KCNN3: variants seen among roughly 807,000 people sequenced by gnomAD.
KCNN3 encodes the protein potassium calcium-activated channel subfamily N member 3, also known as small conductance calcium-activated potassium channel protein 3.
Under a neutral mutation model 62.9 loss-of-function variants are expected in KCNN3, and 16 were observed. The observed-to-expected ratio is 0.25, with a 90% CI of 0.17 to 0.39. The LOEUF is 0.39. KCNN3 is among the 10% of genes least tolerant of loss of function. KCNN3 has a pLI of 1.00. For synonymous variants in KCNN3, 370 were observed against 389.2 expected, an observed-to-expected ratio of 0.95 and a Z score of 0.58; for missense variants, 599 against 949.4, an observed-to-expected ratio of 0.63 and a Z score of 4.85.
chr1:154,755,783 A>AGGG (rs1426887162), intron 3 of KCNN3, among the ~76,000 whole-genome samples: 5 of 95,046 alleles, frequency 5.3e-5, no homozygotes, highest in Non-Finnish European at 8.0e-5. Context: ...GAGGAGAGAG[A>AGGG]GAGGGGAGGA....
rs527872743 is a variant in KCNN3, at chr1:154,837,574, G to A, written c.934-15390C>T. ...AAGCTAGGAAGGCAGCAGAACGAGTGATGCTTATGGGGGAAAACCTGGCTT... is the reference window on the plus strand; with the variant it reads ...AAGCTAGGAAGGCAGCAGAACGAGTAATGCTTATGGGGGAAAACCTGGCTT... On this transcript the variant is annotated intron_variant, in intron 1 of 7. Transcript: ENST00000271915. Among the ~76,000 whole-genome samples, 6 of 152,296 alleles carry A rather than the reference G, an allele frequency of 3.9e-5. No individual in the cohort carries two copies. The East Asian group carries it at 9.6e-4, about 24-fold the overall frequency.
chr1:154,699,322 T>A lies in KCNN3; in HGVS notation c.*8654A>T, dbSNP rs1475120017. 2 of 151,752 alleles carry A rather than the reference T, an allele frequency of 1.3e-5. No homozygotes were observed. Among genetic ancestry groups the A allele is most frequent in the East Asian group, 3.9e-4 (2 of 5,168 alleles). 9.4% of individuals were successfully genotyped at this position (151,752 alleles called of 1,614,324 possible). ...TAAACATAGGACCAGACAAAAGAAA[T>A]GGAGCTGTGAATAGCAATATGATAT... is the stretch of plus-strand genomic sequence containing the variant. On this transcript the variant is annotated 3_prime_UTR_variant, in exon 8 of 8. Transcript: ENST00000271915.
intron 3 of KCNN3, among the ~76,000 whole-genome samples, chr1:154,750,884 C>T (rs73005493): frequency 0.014 from 2,095 of 152,246 alleles, 51 homozygotes; most frequent in African/African-American, 0.048. Flanking sequence ...TTTCCTGGGG[C>T]GGTGAGAGCA....
At chr1:154,807,235 C>T (rs995922758) in intron 2 of KCNN3, among the ~76,000 whole-genome samples, 5 of 152,068 alleles carry the variant, frequency 3.3e-5, no homozygotes, top group East Asian at 1.9e-4. Flanking sequence ...TGAAGCTGAG[C>T]GCAGGGTCAA....
At chr1:154,787,307 C>G (rs1221891463) in intron 2 of KCNN3, among the ~76,000 whole-genome samples, 1 of 152,220 alleles carries the variant, frequency 6.6e-6, no homozygotes, top group Non-Finnish European at 1.5e-5. Context: ...CTCCACCATT[C>G]CCTCCATTTG....
chr1:154,777,531 T>C (rs1648840709), intron 2 of KCNN3, among the ~76,000 whole-genome samples: 1 of 152,188 alleles, frequency 6.6e-6, no homozygotes, highest in Non-Finnish European at 1.5e-5. Flanking sequence ...GGACACCCTC[T>C]TATTCCCAAA....
At chr1:154,864,872 C>A (rs1398016592) in intron 1 of KCNN3, among the ~76,000 whole-genome samples, 1 of 152,040 alleles carries the variant, frequency 6.6e-6, no homozygotes, top group Non-Finnish European at 1.5e-5. Context: ...CAAGGCCGGG[C>A]ATGGGGAAGT....
chr1:154,702,738 T>C lies in KCNN3; in HGVS notation c.*5238A>G, dbSNP rs897590381. On this transcript the variant is annotated 3_prime_UTR_variant, in exon 8 of 8. Transcript: ENST00000271915. ...ATATATATATATATATATATATATATATATATATATGTACTTTTTCTTTTT... is the reference window on the plus strand; with the variant it reads ...ATATATATATATATATATATATATACATATATATATGTACTTTTTCTTTTT... 7.2e-6 allele frequency: 1 copy of C among 138,214 alleles called. No homozygotes were observed. The highest frequency in any genetic ancestry group is 1.6e-5 in the Non-Finnish European group (1 of 64,328). 8.6% of individuals were successfully genotyped at this position (138,214 alleles called of 1,614,324 possible).
chr1:154,843,630 G>A (rs1238838939), intron 1 of KCNN3, among the ~76,000 whole-genome samples: 2 of 152,172 alleles, frequency 1.3e-5, no homozygotes, highest in Non-Finnish European at 1.5e-5. Flanking sequence ...AAAAGCAAGA[G>A]GCCCCTTACA....
intron 1 of KCNN3, among the ~76,000 whole-genome samples, chr1:154,847,219 C>T (rs933365808): frequency 1.3e-5 from 2 of 152,046 alleles, no homozygotes; most frequent in Non-Finnish European, 2.9e-5. Flanking sequence ...CCCCTGCCCT[C>T]GGGGAGCCTG....
chr1:154,805,832 C>T (rs1243836061), intron 2 of KCNN3, among the ~76,000 whole-genome samples: 2 of 152,102 alleles, frequency 1.3e-5, no homozygotes, highest in African/African-American at 4.8e-5. Flanking sequence ...ATGTCTGTGT[C>T]CAAATCACCA....
Position 154,759,731 on chromosome 1 carries a change from A to C in KCNN3, c.1448+12244T>G, listed in dbSNP as rs374017506. On this transcript the variant is annotated intron_variant, in intron 3 of 7. Transcript: ENST00000271915. ...ATTTAACTGGGTCTCCCTAAGGCAA[A>C]AATCCTGGAGACAAAAGACACTGGT... Among the ~76,000 whole-genome samples, 59 of 152,306 alleles carry C rather than the reference A, an allele frequency of 3.9e-4. 1 individual carries two copies. The South Asian group carries it at 9.9e-3, about 26-fold the overall frequency.
Position 154,869,406 on chromosome 1 carries a change from G to C in KCNN3, c.559C>G (p.Pro187Ala). 6.2e-7 allele frequency: 1 copy of C among 1,614,004 alleles called. No individual in the cohort carries two copies. The highest frequency in any genetic ancestry group is 1.3e-5 in the African/African-American group (1 of 75,040). ...CGGGAGGCGCTGAGGCGGCTGAGGG[G>C]CTTCATGACCCCACCGCTATACTTG... ...SCKYSGGVMK[P>A]LSRLSASRRN... The change falls in exon 1 of 8, where the codon CCC becomes GCC. Residue 187 changes from proline (P) to alanine (A), a missense_variant. By Grantham distance (27) the Pro-to-Ala change is conservative. Coordinates refer to ENST00000271915, the MANE Select transcript of KCNN3 (RefSeq NM_002249.6). The surrounding 1 kb of genome is among the most constrained non-coding windows in gnomAD (Gnocchi z 6.1).
At chr1:154,744,244 AATG>A (rs1700889393) in intron 3 of KCNN3, among the ~76,000 whole-genome samples, 1 of 137,556 alleles carries the variant, frequency 7.3e-6, no homozygotes, top group African/African-American at 2.7e-5. Context: ...TGAATGAATG[AATG>A]GCTCCACTTC....
At chr1:154,719,154 G>A (rs1038507922) in intron 5 of KCNN3, among the ~76,000 whole-genome samples, 6 of 152,124 alleles carry the variant, frequency 3.9e-5, no homozygotes, top group Admixed American at 1.3e-4. Context: ...AGCAGCCCCA[G>A]GAGCCCTGGG....
intron 2 of KCNN3, among the ~76,000 whole-genome samples, chr1:154,773,879 G>A (rs550465870): frequency 7.2e-5 from 11 of 152,348 alleles, no homozygotes; most frequent in African/African-American, 2.6e-4. Flanking sequence ...GGCTGGCACA[G>A]ATTCCTTCTC....
At chr1:154,766,415 T>TA (rs1557964775) in intron 3 of KCNN3, among the ~76,000 whole-genome samples, 7 of 61,676 alleles carry the variant, frequency 1.1e-4, no homozygotes, top group East Asian at 9.9e-4. Flanking sequence ...CTAGCCAGGC[T>TA]TTATATATAT....
At chr1:154,766,378 T>C (rs988816984) in intron 3 of KCNN3, among the ~76,000 whole-genome samples, 1 of 136,912 alleles carries the variant, frequency 7.3e-6, no homozygotes, top group African/African-American at 2.7e-5. Flanking sequence ...TACAGACATG[T>C]ATTGCTCTCT....
intron 2 of KCNN3, among the ~76,000 whole-genome samples, chr1:154,782,330 G>T (rs1649086009): frequency 6.6e-6 from 1 of 152,160 alleles, no homozygotes; most frequent in African/African-American, 2.4e-5. Context: ...TCATAGACTG[G>T]GTAACTCAAA....
Sources: gnomAD v4.1 joint callset for allele counts (sites outside exome capture counted in the v4.1 genomes callset) on GRCh38, gnomAD v4.1.1 for gene constraint, Gnocchi (gnomAD v3.1) non-coding constraint, MANE v1.5 for transcripts, NCBI Gene and HGNC (gene_info 2026-07-23, HGNC 2026-07-21) for gene names.